POU6F2: variants seen among roughly 807,000 people sequenced by gnomAD.
POU6F2 encodes the protein POU class 6 homeobox 2.
POU6F2 carries 31 observed loss-of-function variants against 71.3 expected under a neutral mutation model. That is an observed-to-expected ratio of 0.43 (90% CI 0.33 to 0.59). The LOEUF (loss-of-function observed/expected upper bound fraction) is 0.59. Ranked by LOEUF, POU6F2 falls within the 20% of genes least tolerant of loss-of-function variation. POU6F2 has a pLI of 0.04. For missense variants in POU6F2, 783 were observed against 856.8 expected (o/e 0.91, Z 1.07); for synonymous variants, 347 against 355.7 (o/e 0.98, Z 0.27).
At chr7:39,187,041 A>G (rs1441505498) in intron 2 of POU6F2, among the ~76,000 whole-genome samples, 2 of 152,256 alleles carry the variant, frequency 1.3e-5, no homozygotes, top group Non-Finnish European at 2.9e-5. Context: ...ACAATAAGAA[A>G]GCTTACATTT....
intron 5 of POU6F2, among the ~76,000 whole-genome samples, chr7:39,396,272 A>G (rs1394995023): frequency 1.3e-5 from 2 of 152,262 alleles, no homozygotes; most frequent in Middle Eastern, 3.4e-3. Context: ...TTTCCCTTCA[A>G]CTCTGGGCTT....
chr7:39,327,054 C>T (rs941011774), intron 4 of POU6F2, among the ~76,000 whole-genome samples: 5 of 152,192 alleles, frequency 3.3e-5, no homozygotes, highest in South Asian at 2.1e-4. Context: ...CTGAGGTGGG[C>T]GTATCACGAG....
chr7:39,008,889 T>C (rs1376974796), intron 1 of POU6F2, among the ~76,000 whole-genome samples: 5 of 150,042 alleles, frequency 3.3e-5, no homozygotes, highest in Non-Finnish European at 7.5e-5. Context: ...TATATCTCTG[T>C]TTTGGTACCA....
chr7:39,459,672 A>G (rs1282585471), intron 8 of POU6F2, among the ~76,000 whole-genome samples: 1 of 152,234 alleles, frequency 6.6e-6, no homozygotes, highest in Non-Finnish European at 1.5e-5. Flanking sequence ...GTCAGCTCAC[A>G]GGGAGAATGG....
intron 2 of POU6F2, among the ~76,000 whole-genome samples, chr7:39,185,803 A>G (rs961311115): frequency 7.0e-6 from 1 of 141,934 alleles, no homozygotes; most frequent in East Asian, 2.1e-4. Flanking sequence ...GTATACATAT[A>G]TATATGTATA....
At chr7:39,011,368 T>A (rs1476999440) in intron 1 of POU6F2, among the ~76,000 whole-genome samples, 1 of 151,616 alleles carries the variant, frequency 6.6e-6, no homozygotes, top group East Asian at 1.9e-4. Context: ...TTGTTTTCCA[T>A]TTGCTTGGTA....
intron 6 of POU6F2, among the ~76,000 whole-genome samples, chr7:39,415,554 CT>C (rs1787654403): frequency 6.6e-6 from 1 of 152,210 alleles, no homozygotes; most frequent in Non-Finnish European, 1.5e-5. Context: ...CATATTAGAT[CT>C]TTCTTTCATG....
intron 4 of POU6F2, among the ~76,000 whole-genome samples, chr7:39,314,170 T>C (rs1785218914): frequency 6.6e-6 from 1 of 152,252 alleles, no homozygotes. Flanking sequence ...CAGTTCCTAC[T>C]GGCTGCACTT....
Position 39,066,718 on chromosome 7 carries a change from T to TC in POU6F2, c.106-19135dup, listed in dbSNP as rs1011819601. On this transcript the variant is annotated intron_variant, in intron 1 of 9. Coordinates refer to ENST00000518318, the MANE Select transcript of POU6F2 (RefSeq NM_001370959.1). Reference sequence around the variant, plus strand: ...TGAATATTATAAAGATGACATTTATTCCCCCCCTTTTTATTTTAGAATTTG... The same window carrying TC: ...TGAATATTATAAAGATGACATTTATTCCCCCCCCTTTTTATTTTAGAATTTG... Among the ~76,000 whole-genome samples the TC allele has an allele frequency of 1.4e-3, 216 of 150,870 alleles. 2 individuals carry two copies. Among genetic ancestry groups the TC allele is most frequent in the East Asian group, 1.4e-3 (7 of 5,166 alleles).
chr7:39,195,005 C>G (rs981553604), intron 2 of POU6F2, among the ~76,000 whole-genome samples: 2 of 152,184 alleles, frequency 1.3e-5, no homozygotes, highest in African/African-American at 2.4e-5. Flanking sequence ...GTAACACTCA[C>G]CACGAGGGTC....
intron 5 of POU6F2, among the ~76,000 whole-genome samples, chr7:39,358,900 C>T (rs1174664245): frequency 6.8e-6 from 1 of 147,174 alleles, no homozygotes; most frequent in African/African-American, 2.5e-5. Flanking sequence ...AAGAGTATGA[C>T]AAGAAGATGC....
At chr7:39,171,555 G>A (rs1793219243) in intron 2 of POU6F2, among the ~76,000 whole-genome samples, 1 of 152,100 alleles carries the variant, frequency 6.6e-6, no homozygotes, top group Admixed American at 6.6e-5. Flanking sequence ...CAAAAAGAGA[G>A]AAACAGAAGT....
chr7:39,074,913 A>G (rs1410815582), intron 1 of POU6F2, among the ~76,000 whole-genome samples: 1 of 152,190 alleles, frequency 6.6e-6, no homozygotes, highest in Non-Finnish European at 1.5e-5. Context: ...TAACCCATCC[A>G]TCCCATGAGG....
At chr7:39,422,699 A>G (rs1193971183) in intron 6 of POU6F2, among the ~76,000 whole-genome samples, 2 of 152,214 alleles carry the variant, frequency 1.3e-5, no homozygotes, top group African/African-American at 4.8e-5. Context: ...TGTGCCTGCC[A>G]TGTCTACTCT....
intron 1 of POU6F2, among the ~76,000 whole-genome samples, chr7:39,030,881 T>G (rs1273821088): frequency 1.3e-5 from 2 of 151,732 alleles, no homozygotes; most frequent in Non-Finnish European, 2.9e-5. Flanking sequence ...GAACTAAACT[T>G]TATTGTTTTT....
chr7:39,001,775 A>G (rs113888723), intron 1 of POU6F2, among the ~76,000 whole-genome samples: 4,331 of 151,972 alleles, frequency 0.028, 164 homozygotes, highest in African/African-American at 0.084. Flanking sequence ...TGTGATGGTG[A>G]TAGTGATGGT....
At position 39,460,539 on chromosome 7, in the gene POU6F2, C is replaced by A; in HGVS notation, c.1490-8C>A. On this transcript the variant is annotated splice_polypyrimidine_tract_variant and splice_region_variant and intron_variant, in intron 8 of 9. Transcript: ENST00000518318. This position sits in a 1 kb window ranked among gnomAD's most constrained non-coding sequence, Gnocchi z 4.4. ...GTATTGATCCTATTTTTAAAAACAT[C>A]TCCACAGATCCTCAAACGGCAGCGG... 6.2e-7 allele frequency: 1 copy of A among 1,612,972 alleles called. No individual in the cohort carries two copies. Among genetic ancestry groups the A allele is most frequent in the South Asian group, 1.1e-5 (1 of 90,756 alleles).
At position 39,134,891 on chromosome 7, in the gene POU6F2, C is replaced by G. The variant is rs527290051; in HGVS notation, c.277+48860C>G. Among the ~76,000 whole-genome samples, 70 of 152,180 alleles carry G rather than the reference C, an allele frequency of 4.6e-4. 1 individual carries two copies. The highest frequency in any genetic ancestry group is 4.6e-3 in the Admixed American group (70 of 15,290). On this transcript the variant is annotated intron_variant, in intron 2 of 9. Transcript: ENST00000518318. ...CAACTTATGAGATGTGGGCAAGATA[C>G]AGTCAAAGGCAAGTTCATAATTTTG...
At chr7:39,322,638 C>T (rs1238498342) in intron 4 of POU6F2, among the ~76,000 whole-genome samples, 1 of 152,162 alleles carries the variant, frequency 6.6e-6, no homozygotes, top group African/African-American at 2.4e-5. Flanking sequence ...ACCTTCAAAT[C>T]CTGGATTCTT....
Sources: gnomAD v4.1 joint callset for allele counts (sites outside exome capture counted in the v4.1 genomes callset) on GRCh38, gnomAD v4.1.1 for gene constraint, Gnocchi (gnomAD v3.1) non-coding constraint, MANE v1.5 for transcripts, NCBI Gene and HGNC (gene_info 2026-07-23, HGNC 2026-07-21) for gene names.